MEF2C: variants seen among roughly 807,000 people sequenced by gnomAD.
The protein encoded by MEF2C is myocyte enhancer factor 2C.
In MEF2C, 6 loss-of-function variants were observed where a neutral mutation model predicts 50.5. The ratio of observed to expected loss-of-function variants is 0.12; its 90% CI spans 0.07 to 0.23. The LOEUF is 0.23. Among genes scored for constraint, MEF2C ranks in the 10% least tolerant of loss-of-function variants. The probability of loss-of-function intolerance (pLI) is 1.00; values close to 1 mark genes in which losing one functional copy is unlikely to be tolerated. For synonymous variants in MEF2C, 183 were observed against 228.0 expected (o/e 0.80, Z 1.78); for missense variants, 276 against 605.0 (o/e 0.46, Z 5.70).
At chr5:88,840,636 T>G (rs369692930) in intron 1 of MEF2C, among the ~76,000 whole-genome samples, 30 of 152,332 alleles carry the variant, frequency 2.0e-4, no homozygotes, top group African/African-American at 7.2e-4. Context: ...GAGTTTGTTT[T>G]TTTTTCTCCT....
chr5:88,811,184 G>A (rs1472247020), intron 2 of MEF2C, among the ~76,000 whole-genome samples: 1 of 152,046 alleles, frequency 6.6e-6, no homozygotes, highest in Non-Finnish European at 1.5e-5. Context: ...TAGGGTCTGA[G>A]AACAATCTGG....
At chr5:88,791,308 C>A (rs1443375605) in intron 3 of MEF2C, among the ~76,000 whole-genome samples, 1 of 151,970 alleles carries the variant, frequency 6.6e-6, no homozygotes, top group Non-Finnish European at 1.5e-5. Flanking sequence ...CACATGAGAT[C>A]TTTGTTTTGC....
chr5:88,737,292 A>T (rs2152364081), intron 6 of MEF2C: 1 of 985,392 alleles, frequency 1.0e-6, no homozygotes, highest in South Asian at 4.7e-5. Context: ...TCTACCATAT[A>T]TATGAAAGCC....
chr5:88,903,172 A>G (rs1324909095), intron 1 of MEF2C, among the ~76,000 whole-genome samples: 1 of 151,840 alleles, frequency 6.6e-6, no homozygotes, highest in Non-Finnish European at 1.5e-5. Context: ...CAAAATAAAA[A>G]TAAAAAATAT....
At chr5:88,900,360 A>G (rs919685738) in intron 1 of MEF2C, among the ~76,000 whole-genome samples, 3 of 151,844 alleles carry the variant, frequency 2.0e-5, no homozygotes, top group Non-Finnish European at 1.5e-5. Flanking sequence ...TGATATATAC[A>G]TATACTTATG....
At chr5:88,743,700 A>G (rs1767977385) in intron 6 of MEF2C, 4 of 985,426 alleles carry the variant, frequency 4.1e-6, no homozygotes, top group Non-Finnish European at 4.8e-6. Context: ...TCTGGAAACC[A>G]GATCTCTTAT....
chr5:88,815,832 C>A (rs1319990453), intron 2 of MEF2C, among the ~76,000 whole-genome samples: 1 of 151,758 alleles, frequency 6.6e-6, no homozygotes, highest in African/African-American at 2.4e-5. Flanking sequence ...AGAAACTTCT[C>A]GGTGTATGTA....
chr5:88,730,596 T>G (rs1250276866), intron 7 of MEF2C, among the ~76,000 whole-genome samples: 1 of 152,192 alleles, frequency 6.6e-6, no homozygotes, highest in African/African-American at 2.4e-5. Context: ...CATCACAGAT[T>G]CCCTGGGACA....
chr5:88,758,011 C>A (rs745368800), intron 4 of MEF2C, among the ~76,000 whole-genome samples: 4 of 152,204 alleles, frequency 2.6e-5, no homozygotes, highest in Non-Finnish European at 4.4e-5. Context: ...CTACACCTGG[C>A]TCCATCTGTA....
At chr5:88,767,290 G>A (rs977182229) in intron 3 of MEF2C, among the ~76,000 whole-genome samples, 2 of 152,162 alleles carry the variant, frequency 1.3e-5, no homozygotes, top group African/African-American at 4.8e-5. Context: ...TTTTGCCTTA[G>A]GCTGAGGGAA....
At chr5:88,753,197 TTC>T (rs1184789388) in intron 4 of MEF2C, among the ~76,000 whole-genome samples, 1 of 152,190 alleles carries the variant, frequency 6.6e-6, no homozygotes, top group Non-Finnish European at 1.5e-5. Context: ...TGTGTAATAT[TTC>T]TCTGTTTATC....
At chr5:88,754,477 A>G (rs1349860832) in intron 4 of MEF2C, among the ~76,000 whole-genome samples, 1 of 152,186 alleles carries the variant, frequency 6.6e-6, no homozygotes, top group Non-Finnish European at 1.5e-5. Context: ...AGAGTTTGCC[A>G]TCTGTTTCCT....
intron 6 of MEF2C, chr5:88,740,863 C>G: frequency 1.0e-6 from 1 of 985,260 alleles, no homozygotes; most frequent in Non-Finnish European, 1.2e-6. Flanking sequence ...TGTCTCTTTG[C>G]TAAAAATGAG....
intron 1 of MEF2C, among the ~76,000 whole-genome samples, chr5:88,863,354 T>A (rs1407767378): frequency 6.6e-6 from 1 of 152,236 alleles, no homozygotes; most frequent in African/African-American, 2.4e-5. Flanking sequence ...AGTTGACTGA[T>A]GTGTTAATAA....
chr5:88,798,306 C>T (rs1796861788), intron 3 of MEF2C, among the ~76,000 whole-genome samples: 1 of 152,062 alleles, frequency 6.6e-6, no homozygotes, highest in African/African-American at 2.4e-5. Flanking sequence ...TTCCACATAG[C>T]CCCATATTTC....
chr5:88,870,980 A>G (rs1318010028), intron 1 of MEF2C, among the ~76,000 whole-genome samples: 3 of 152,236 alleles, frequency 2.0e-5, no homozygotes, highest in South Asian at 2.1e-4. Context: ...GTGCTACAAT[A>G]TTTTATTTTA....
intron 1 of MEF2C, among the ~76,000 whole-genome samples, chr5:88,866,992 A>C (rs1032199428): frequency 6.6e-5 from 10 of 152,244 alleles, no homozygotes; most frequent in African/African-American, 2.4e-4. Context: ...TGGTCACTAG[A>C]CAGTGATGAC....
chr5:88,786,058 A>G (rs1234647805), intron 3 of MEF2C, among the ~76,000 whole-genome samples: 1 of 152,126 alleles, frequency 6.6e-6, no homozygotes, highest in Non-Finnish European at 1.5e-5. Flanking sequence ...TTAGTTAAGC[A>G]GTTTTCTATT....
intron 1 of MEF2C, among the ~76,000 whole-genome samples, chr5:88,855,240 T>C (rs1822867102): frequency 3.3e-5 from 5 of 152,358 alleles, no homozygotes; most frequent in South Asian, 2.1e-4. Flanking sequence ...AGCATTTAAA[T>C]ATATATCCAT....
Sources: gnomAD v4.1 joint callset for allele counts (sites outside exome capture counted in the v4.1 genomes callset) on GRCh38, gnomAD v4.1.1 for gene constraint, MANE v1.5 for transcripts, NCBI Gene and HGNC (gene_info 2026-07-23, HGNC 2026-07-21) for gene names.